ANKS1B: variants seen among roughly 807,000 people sequenced by gnomAD.
ANKS1B encodes the protein ankyrin repeat and sterile alpha motif domain containing 1B.
Under a neutral mutation model 148.3 loss-of-function variants are expected in ANKS1B, and 36 were observed. The ratio of observed to expected loss-of-function variants is 0.24; its 90% CI spans 0.19 to 0.32. The LOEUF is 0.32. Ranked by LOEUF, ANKS1B falls within the 10% of genes least tolerant of loss-of-function variation. The pLI is 1.00. For missense variants in ANKS1B, 1,157 were observed against 1,542.6 expected (o/e 0.75, Z 4.19); for synonymous variants, 542 against 560.8 (o/e 0.97, Z 0.47).
chr12:98,767,176 G>A (rs1455725164), intron 25 of ANKS1B, among the ~76,000 whole-genome samples: 1 of 152,116 alleles, frequency 6.6e-6, no homozygotes, highest in Non-Finnish European at 1.5e-5. Context: ...TCATAGCAGA[G>A]CCAAAGTTGG....
At chr12:98,811,091 C>T (rs370535330) in intron 19 of ANKS1B, among the ~76,000 whole-genome samples, 2 of 152,146 alleles carry the variant, frequency 1.3e-5, no homozygotes, top group Admixed American at 6.5e-5. Context: ...TTTCAGCTAA[C>T]GTTAACATGG....
chr12:99,246,231 C>T, intron 13 of ANKS1B, 44 bp downstream of exon 13: 1 of 1,414,782 alleles, frequency 7.1e-7, no homozygotes, highest in African/African-American at 1.4e-5. Flanking sequence ...CCTCCCTCAA[C>T]TGCAAAGCCT....
At chr12:99,789,926 A>T (rs1390878878) in intron 4 of ANKS1B, among the ~76,000 whole-genome samples, 1 of 151,562 alleles carries the variant, frequency 6.6e-6, no homozygotes, top group East Asian at 1.9e-4. Context: ...GTTGAGAAAT[A>T]GTTAGGGGTA....
chr12:99,470,665 G>C (rs1054304405), intron 10 of ANKS1B, among the ~76,000 whole-genome samples: 8 of 151,982 alleles, frequency 5.3e-5, no homozygotes, highest in African/African-American at 1.9e-4. Flanking sequence ...TGTGCACTTA[G>C]GCACACATGC....
chr12:98,853,325 A>G (rs1376932212), intron 17 of ANKS1B, among the ~76,000 whole-genome samples: 1 of 152,192 alleles, frequency 6.6e-6, no homozygotes, highest in Non-Finnish European at 1.5e-5. Flanking sequence ...GACTTGGTAG[A>G]GTGGCCCCTA....
intron 12 of ANKS1B, among the ~76,000 whole-genome samples, chr12:99,333,530 C>A (rs1270106794): frequency 6.7e-6 from 1 of 148,840 alleles, no homozygotes; most frequent in Admixed American, 6.6e-5. Context: ...TTTGGGTCAC[C>A]AAGGAAAAAA....
rs997222452 is a variant in ANKS1B at position 98,957,365 on chromosome 12, T to A, written c.2778+95792A>T. The stretch of plus-strand genomic sequence containing the variant: ...TATTTATTTATTTATTTATTTATTT[T>A]GAGACGGAGTCTCTCTCTGTTGCCC... On this transcript the variant is annotated intron_variant, in intron 17 of 26. Transcript: ENST00000683438. Among the ~76,000 whole-genome samples, 4 of 138,000 alleles carry A rather than the reference T, an allele frequency of 2.9e-5. No homozygotes were observed. The East Asian group carries it at 6.5e-4, about 22-fold the overall frequency. 90.5% of individuals were successfully genotyped at this position (138,000 alleles called of 152,430 possible).
chr12:99,791,743 A>G lies in ANKS1B; in HGVS notation c.670-9646T>C, dbSNP rs529112900. Among the ~76,000 whole-genome samples, 4 of 152,090 alleles carry G rather than the reference A, an allele frequency of 2.6e-5. No homozygotes were observed. In the South Asian group the frequency reaches 8.3e-4, roughly 32 times the overall value. On this transcript the variant is annotated intron_variant, in intron 4 of 26. Transcript: ENST00000683438. ...CACAGCATACCAAAACCTATGGGAC[A>G]CAGCAAAAGCAGTACTAAGAAGAAA...
At chr12:99,369,886 A>AGATG (rs2093028599) in intron 12 of ANKS1B, among the ~76,000 whole-genome samples, 2 of 152,126 alleles carry the variant, frequency 1.3e-5, no homozygotes, top group South Asian at 4.2e-4. Context: ...ATAGATAGAT[A>AGATG]GATAGATAAA....
At chr12:99,867,684 T>C (rs1437834987) in intron 1 of ANKS1B, among the ~76,000 whole-genome samples, 4 of 152,202 alleles carry the variant, frequency 2.6e-5, no homozygotes, top group Non-Finnish European at 5.9e-5. Context: ...TTGGGAATTA[T>C]GGGAGCTACA....
Position 98,787,847 on chromosome 12 carries a change from G to A in ANKS1B, c.3343-5710C>T, listed in dbSNP as rs533690266. On this transcript the variant is annotated intron_variant, in intron 22 of 26. Transcript: ENST00000683438. The stretch of plus-strand genomic sequence containing the variant: ...AGGCAGGAGAATTGCTTGAACCCAG[G>A]AGGTAGAGGTTGCAGTGAGCTGAGT... Among the ~76,000 whole-genome samples, 41 of 151,846 alleles carry A rather than the reference G, an allele frequency of 2.7e-4. No individual in the cohort carries two copies. In the South Asian group the frequency reaches 8.5e-3, roughly 32 times the overall value.
chr12:99,649,002 T>C (rs558796094), intron 9 of ANKS1B, among the ~76,000 whole-genome samples: 1 of 152,310 alleles, frequency 6.6e-6, no homozygotes, highest in South Asian at 2.1e-4. Flanking sequence ...CAGAGATTTC[T>C]TAGCTGTCAG....
chr12:99,208,039 C>T (rs2082892593), intron 14 of ANKS1B, among the ~76,000 whole-genome samples: 1 of 152,030 alleles, frequency 6.6e-6, no homozygotes. Context: ...TGTGTTAAAA[C>T]CACAAGGTTT....
intron 17 of ANKS1B, among the ~76,000 whole-genome samples, chr12:98,986,536 T>C (rs1179286963): frequency 2.6e-5 from 4 of 152,150 alleles, no homozygotes; most frequent in African/African-American, 4.8e-5. Flanking sequence ...AGCATTCCCA[T>C]TGGACTTTTA....
At chr12:99,185,972 A>G in intron 14 of ANKS1B, among the ~76,000 whole-genome samples, 1 of 152,192 alleles carries the variant, frequency 6.6e-6, no homozygotes, top group East Asian at 1.9e-4. Flanking sequence ...CACAGAGCCC[A>G]GCAAGCTAAG....
At chr12:99,469,736 T>C (rs2096205970) in intron 10 of ANKS1B, among the ~76,000 whole-genome samples, 1 of 152,180 alleles carries the variant, frequency 6.6e-6, no homozygotes, top group Admixed American at 6.5e-5. Context: ...AAGTTAAATG[T>C]CCAACTAAAA....
chr12:99,348,265 T>C (rs2090990108), intron 12 of ANKS1B, among the ~76,000 whole-genome samples: 1 of 151,842 alleles, frequency 6.6e-6, no homozygotes, highest in South Asian at 2.1e-4. Context: ...GACAGAATAA[T>C]GGACAAAAGA....
intron 1 of ANKS1B, among the ~76,000 whole-genome samples, chr12:99,898,691 G>A (rs1457336639): frequency 6.6e-6 from 1 of 152,148 alleles, no homozygotes; most frequent in Non-Finnish European, 1.5e-5. Context: ...AGCAAAGATT[G>A]GAGGGGGGAG....
intron 12 of ANKS1B, among the ~76,000 whole-genome samples, chr12:99,256,913 T>G (rs1298589624): frequency 6.6e-6 from 1 of 152,162 alleles, no homozygotes; most frequent in Non-Finnish European, 1.5e-5. Context: ...TCAGCCATTA[T>G]CCATCAAAAA....
Sources: gnomAD v4.1 joint callset for allele counts (sites outside exome capture counted in the v4.1 genomes callset) on GRCh38, gnomAD v4.1.1 for gene constraint, MANE v1.5 for transcripts, NCBI Gene and HGNC (gene_info 2026-07-23, HGNC 2026-07-21) for gene names.